Variants in CAST observed in about 807,000 individuals in gnomAD.
The protein encoded by CAST is calpastatin.
A neutral mutation model predicts 119.6 loss-of-function variants in CAST; 76 were observed. The ratio of observed to expected loss-of-function variants is 0.64; its 90% confidence interval spans 0.53 to 0.77. The LOEUF (loss-of-function observed/expected upper bound fraction) is 0.77, where lower values mean the gene tolerates loss of function less well. CAST is among the 30% of genes least tolerant of loss of function. The pLI, the probability that CAST is intolerant of heterozygous loss-of-function variation, is 0.00. For synonymous variants in CAST, 319 were observed against 331.6 expected, an observed-to-expected ratio of 0.96 and a Z score of 0.41; for missense variants, 953 against 946.5, an observed-to-expected ratio of 1.01 and a Z score of -0.09.
the CAST span, among the ~76,000 whole-genome samples, chr5:96,384,384 G>A: frequency 1.3e-5 from 2 of 152,160 alleles, no homozygotes; most frequent in African/African-American, 2.4e-5. Context: ...ATTATGCTGG[G>A]ACAACAGGGA....
At chr5:96,531,828 C>T (rs1276692656) in intron 1 of CAST, among the ~76,000 whole-genome samples, 2 of 152,016 alleles carry the variant, frequency 1.3e-5, no homozygotes, top group African/African-American at 2.4e-5. Flanking sequence ...AAAAGGAACC[C>T]TCAAAGCCTA....
In CAST at chr5:96,736,686, A is replaced by G. The variant is rs984976840; in HGVS notation, c.699+446A>G. 1.9e-3 allele frequency among the ~76,000 whole-genome samples: 286 copies of G among 151,366 alleles called. 2 individuals are homozygous for G. Among genetic ancestry groups the G allele is most frequent in the Non-Finnish European group, 3.7e-3 (250 of 67,634 alleles). On this transcript the variant is annotated intron_variant, in intron 10 of 31. Transcript: ENST00000675179. ...GGAATATGGTAGTTGCAAAAAAAAA[A>G]GACAATTTAAATAATTATTTTTCAT... is the stretch of plus-strand genomic sequence containing the variant.
chr5:96,289,460 G>A, the CAST span, among the ~76,000 whole-genome samples: 31 of 152,234 alleles, frequency 2.0e-4, no homozygotes, highest in Non-Finnish European at 3.7e-4. Flanking sequence ...TACTGTTCTC[G>A]TGGTAGTGAA....
the CAST span, among the ~76,000 whole-genome samples, chr5:96,042,088 C>T: frequency 6.6e-6 from 1 of 152,186 alleles, no homozygotes; most frequent in East Asian, 1.9e-4. Context: ...CTTATTTTAC[C>T]ATCAGGAGGG....
intron 1 of CAST, among the ~76,000 whole-genome samples, chr5:96,671,731 C>A (rs888412613): frequency 6.6e-6 from 1 of 152,196 alleles, no homozygotes; most frequent in African/African-American, 2.4e-5. Context: ...AGCTGTCAAT[C>A]CTTCCCTGTT....
chr5:96,461,375 C>T, the CAST span, among the ~76,000 whole-genome samples: 3 of 152,006 alleles, frequency 2.0e-5, no homozygotes, highest in Non-Finnish European at 4.4e-5. Context: ...GGGTATATAA[C>T]GGTAGAATTG....
At chr5:96,672,426 T>C (rs567082175) in intron 1 of CAST, among the ~76,000 whole-genome samples, 3 of 152,298 alleles carry the variant, frequency 2.0e-5, no homozygotes, top group Non-Finnish European at 4.4e-5. Context: ...AAATAGGAAC[T>C]GGGCCGGGAG....
At chr5:96,153,182 A>G in the CAST span, among the ~76,000 whole-genome samples, 1 of 152,202 alleles carries the variant, frequency 6.6e-6, no homozygotes. Context: ...TAGAAAGAGC[A>G]TAAGCATTTG....
chr5:95,962,985 A>G, the CAST span, among the ~76,000 whole-genome samples: 1 of 152,122 alleles, frequency 6.6e-6, no homozygotes, highest in Admixed American at 6.5e-5. Flanking sequence ...TAAAAGAGGG[A>G]GCCTAATCTG....
chr5:96,535,364 T>C (rs910414965), intron 1 of CAST, among the ~76,000 whole-genome samples: 1 of 146,016 alleles, frequency 6.8e-6, no homozygotes, highest in African/African-American at 2.5e-5. Context: ...TCATTTATCA[T>C]TGTGGAAGCA....
At chr5:96,212,395 A>G in the CAST span, among the ~76,000 whole-genome samples, 1 of 152,136 alleles carries the variant, frequency 6.6e-6, no homozygotes, top group Non-Finnish European at 1.5e-5. Context: ...TGCATTGTTT[A>G]TCATTCTGTT....
At chr5:96,402,963 A>G in the CAST span, among the ~76,000 whole-genome samples, 1 of 152,152 alleles carries the variant, frequency 6.6e-6, no homozygotes, top group Non-Finnish European at 1.5e-5. Flanking sequence ...TTTTAAAAGG[A>G]GTTTTAGGTA....
chr5:96,662,322 T>TGC, upstream of CAST: 2 of 567,042 alleles, frequency 3.5e-6, no homozygotes, highest in Non-Finnish European at 5.0e-6. Flanking sequence ...GGCCCTCCGC[T>TGC]CCCTCCCTCC....
chr5:96,432,773 G>T, the CAST span: 1 of 1,055,832 alleles, frequency 9.5e-7, no homozygotes. Flanking sequence ...TCTGGAGAGT[G>T]CAACCTGGGG....
At chr5:96,232,414 A>G in the CAST span, among the ~76,000 whole-genome samples, 2 of 152,176 alleles carry the variant, frequency 1.3e-5, no homozygotes, top group Non-Finnish European at 2.9e-5. Flanking sequence ...ATTGAAAACA[A>G]ATAACATTGT....
chr5:96,393,413 G>A, the CAST span: 4 of 1,612,296 alleles, frequency 2.5e-6, no homozygotes, highest in South Asian at 4.4e-5. Context: ...AAGGGAAGAA[G>A]GTTCATTATT....
chr5:96,525,548 A>C (rs555596404), upstream of CAST: 58 of 152,324 alleles, frequency 3.8e-4, no homozygotes, highest in African/African-American at 1.3e-3. Flanking sequence ...GCGTTTTCCA[A>C]AAGGCTGTTT....
the CAST span, among the ~76,000 whole-genome samples, chr5:96,027,614 TGTTGAG>T: frequency 2.0e-5 from 3 of 152,148 alleles, no homozygotes; most frequent in Non-Finnish European, 4.4e-5. Context: ...AGCCAACTTC[TGTTGAG>T]CATGACTGTC....
intron 1 of CAST, among the ~76,000 whole-genome samples, chr5:96,576,376 A>T (rs1255870400): frequency 1.3e-5 from 2 of 151,704 alleles, no homozygotes; most frequent in African/African-American, 4.8e-5. Context: ...ACAGAGTCTC[A>T]CTCTGTCACC....
Sources: allele counts gnomAD v4.1 joint callset (sites outside exome capture counted in the v4.1 genomes callset), GRCh38; gene constraint gnomAD v4.1.1; transcripts MANE v1.5; gene names NCBI Gene and HGNC (gene_info 2026-07-23, HGNC 2026-07-21).